The following SYN3 variants were observed in gnomAD, a reference collection of about 807,000 sequenced individuals.
SYN3 encodes synapsin-3.
Under a neutral mutation model 65.8 loss-of-function variants are expected in SYN3, and 35 were observed. The observed-to-expected ratio is 0.53, with a 90% CI of 0.41 to 0.70. The LOEUF (loss-of-function observed/expected upper bound fraction) is 0.70, where lower values mean the gene tolerates loss of function less well. Among genes scored for constraint, SYN3 ranks in the 30% least tolerant of loss-of-function variants. The pLI is 0.00. For synonymous variants in SYN3, 270 were observed against 292.9 expected (o/e 0.92, Z 0.80); for missense variants, 680 against 749.0 (o/e 0.91, Z 1.08).
Position 32,518,088 on chromosome 22 carries a change from T to C in SYN3, c.1565A>G (p.Gln522Arg), listed in dbSNP as rs1259196961. 6.4e-7 allele frequency: 1 copy of C among 1,550,610 alleles called. No homozygotes were observed. Among genetic ancestry groups the C allele is most frequent in the African/African-American group, 1.4e-5 (1 of 72,670 alleles). Residue 522 changes from glutamine to arginine, a missense_variant, in exon 13 of 14, where the codon CAG becomes CGG. By Grantham distance (43) the Gln-to-Arg change is conservative. Transcript: ENST00000358763. ...TGCTGGCTTCTTGGACTCTTCACCCTGCTGGGAGGTACTACGGCCCTGCAC... is the reference window on the plus strand; with the variant it reads ...TGCTGGCTTCTTGGACTCTTCACCCCGCTGGGAGGTACTACGGCCCTGCAC... Reference protein sequence around the residue: ...PPVQGRSTSQQGEESKKPAPP... With the variant: ...PPVQGRSTSQRGEESKKPAPP...
intron 6 of SYN3, among the ~76,000 whole-genome samples, chr22:32,793,641 G>A (rs969006113): frequency 6.6e-6 from 1 of 152,182 alleles, no homozygotes; most frequent in East Asian, 1.9e-4. Context: ...GAAGGAAGGA[G>A]GGAAGGAAGG....
rs758740145 is a variant in SYN3, at chr22:32,931,392, C to A, written c.459G>T (p.Val153=). Residue 153 remains valine, a splice_region_variant and synonymous_variant, in exon 4 of 14, where the codon GTG becomes GTT. Transcript: ENST00000358763. ...MQVVRNGTKV[V]SRSFKPDFIL... is the part of the protein sequence containing the mutation. ...CTGCATATTTTAATCCTACTTACCT[C>A]ACCACTTTGGTCCCATTTCTCACGA... 1.9e-6 allele frequency: 3 copies of A among 1,609,456 alleles called. No individual in the cohort carries two copies. Among genetic ancestry groups the A allele is most frequent in the Non-Finnish European group, 2.6e-6 (3 of 1,175,856 alleles).
rs889537207 is a variant in SYN3 at position 32,819,399 on chromosome 22, T to C, written c.711+45516A>G. Among the ~76,000 whole-genome samples the C allele has an allele frequency of 4.6e-5, 7 of 152,238 alleles. No individual in the cohort carries two copies. The East Asian group carries it at 9.6e-4, about 21-fold the overall frequency. On this transcript the variant is annotated intron_variant, in intron 6 of 13. Coordinates refer to ENST00000358763, the MANE Select transcript of SYN3 (RefSeq NM_003490.4). ...CCGGCCCCATATTGGAGGCCAAACA[T>C]GTAGAAGGGTGTATCTCATTTTTTA...
At chr22:32,706,945 C>G (rs1187231155) in intron 6 of SYN3, among the ~76,000 whole-genome samples, 2 of 152,152 alleles carry the variant, frequency 1.3e-5, no homozygotes, top group Admixed American at 1.3e-4. Context: ...TGCCTGCCCA[C>G]CTCCCCTCCC....
At chr22:32,588,811 G>C (rs2858746) in intron 7 of SYN3, among the ~76,000 whole-genome samples, 3,326 of 152,240 alleles carry the variant, frequency 0.022, 125 homozygotes, top group African/African-American at 0.076. Context: ...TTCTACGATG[G>C]AAACGCTGAG....
intron 6 of SYN3, among the ~76,000 whole-genome samples, chr22:32,710,001 A>T (rs5754228): frequency 1.3e-5 from 2 of 150,820 alleles, no homozygotes; most frequent in African/African-American, 4.9e-5. Context: ...AATCTTCATA[A>T]CCTGGACTGA....
chr22:32,761,372 C>T lies in SYN3; in HGVS notation c.711+103543G>A, dbSNP rs767712392. 3.3e-5 allele frequency among the ~76,000 whole-genome samples: 5 copies of T among 152,250 alleles called. 1 individual carries two copies. The highest frequency in any genetic ancestry group is 1.9e-4 in the East Asian group (1 of 5,174). On this transcript the variant is annotated intron_variant, in intron 6 of 13. Transcript: ENST00000358763. ...CAAGGGGTGGCCGATAGAAGCCATGCGCGTGAGTCACGAGAAGGGGTGTGA... is the reference window on the plus strand; with the variant it reads ...CAAGGGGTGGCCGATAGAAGCCATGTGCGTGAGTCACGAGAAGGGGTGTGA...
chr22:32,585,963 TAC>T (rs2059023258), intron 7 of SYN3, among the ~76,000 whole-genome samples: 2 of 79,012 alleles, frequency 2.5e-5, no homozygotes, highest in East Asian at 5.7e-4. Context: ...TATGTGTATA[TAC>T]GTATATATGT....
At chr22:32,546,809 C>A (rs750281474) in intron 7 of SYN3, among the ~76,000 whole-genome samples, 1 of 152,094 alleles carries the variant, frequency 6.6e-6, no homozygotes, top group Non-Finnish European at 1.5e-5. Flanking sequence ...TGTGAACTCT[C>A]CAAAACAGAC....
At chr22:32,762,003 T>C (rs1249233737) in intron 6 of SYN3, among the ~76,000 whole-genome samples, 1 of 152,226 alleles carries the variant, frequency 6.6e-6, no homozygotes, top group African/African-American at 2.4e-5. Flanking sequence ...GAGTGCCACC[T>C]GTCCTTAGCG....
intron 6 of SYN3, among the ~76,000 whole-genome samples, chr22:32,668,504 A>C (rs2060321067): frequency 7.0e-6 from 1 of 142,402 alleles, no homozygotes; most frequent in African/African-American, 2.6e-5. Flanking sequence ...TCCTCCCTTC[A>C]CTCCTTTCCT....
intron 2 of SYN3, among the ~76,000 whole-genome samples, chr22:33,004,208 T>A (rs2053140467): frequency 6.6e-6 from 1 of 152,046 alleles, no homozygotes; most frequent in Non-Finnish European, 1.5e-5. Context: ...CCACACAGAG[T>A]CCCCACTGTG....
At chr22:32,996,672 T>A (rs1490733767) in intron 2 of SYN3, among the ~76,000 whole-genome samples, 30 of 152,240 alleles carry the variant, frequency 2.0e-4, no homozygotes, top group Admixed American at 2.0e-3. Flanking sequence ...ATAGAAAAGA[T>A]CTTGCCTGAG....
chr22:32,745,129 G>A (rs2044888457), intron 6 of SYN3, among the ~76,000 whole-genome samples: 1 of 152,164 alleles, frequency 6.6e-6, no homozygotes, highest in South Asian at 2.1e-4. Context: ...GAACCAGGAG[G>A]AGCCAGGATT....
intron 6 of SYN3, among the ~76,000 whole-genome samples, chr22:32,739,553 A>G (rs899538648): frequency 6.6e-6 from 1 of 152,102 alleles, no homozygotes; most frequent in Non-Finnish European, 1.5e-5. Flanking sequence ...GGTTGTATCC[A>G]TTACTGATAT....
chr22:32,556,803 G>GTTTTTTTTTTTT lies in SYN3; in HGVS notation c.775-15091_775-15090insAAAAAAAAAAAA, dbSNP rs1491135400. The stretch of plus-strand genomic sequence containing the variant: ...CAATGACCCAATCTATAGGTTTCCT[G>GTTTTTTTTTTTT]GTTTTTTTTTTTTTTTTTTTTTTTT... On this transcript the variant is annotated intron_variant, in intron 7 of 13. Coordinates refer to ENST00000358763, the MANE Select transcript of SYN3 (RefSeq NM_003490.4). Among the ~76,000 whole-genome samples, 198 of 35,242 alleles carry GTTTTTTTTTTTT rather than the reference G, an allele frequency of 5.6e-3. 69 individuals are homozygous for GTTTTTTTTTTTT. Among genetic ancestry groups the GTTTTTTTTTTTT allele is most frequent in the Non-Finnish European group, 7.2e-3 (128 of 17,868 alleles). The allele number at this position is 35,242 out of a possible 152,430, so 23.1% of individuals were successfully genotyped here.
chr22:32,981,571 C>T (rs5754366), intron 2 of SYN3, among the ~76,000 whole-genome samples: 6 of 151,144 alleles, frequency 4.0e-5, no homozygotes, highest in African/African-American at 9.8e-5. Context: ...GCAACAAGAG[C>T]GAAACTCAGT....
At chr22:33,001,100 G>A (rs114951580) in intron 2 of SYN3, among the ~76,000 whole-genome samples, 2 of 152,276 alleles carry the variant, frequency 1.3e-5, no homozygotes, top group African/African-American at 4.8e-5. Context: ...TAATTGCAGG[G>A]CCAACTGCCA....
In SYN3 at chr22:32,919,198, C is replaced by T. The variant is rs143511684; in HGVS notation, c.461+12192G>A. On this transcript the variant is annotated intron_variant, in intron 4 of 13. Coordinates refer to ENST00000358763, the MANE Select transcript of SYN3 (RefSeq NM_003490.4). ...TGAGAGAGAGGGAAGCTCCACCCTCCATACACACGGGGCTCGCTCTGCTCA... is the reference window on the plus strand; with the variant it reads ...TGAGAGAGAGGGAAGCTCCACCCTCTATACACACGGGGCTCGCTCTGCTCA... Among the ~76,000 whole-genome samples, 3 of 152,316 alleles carry T rather than the reference C, an allele frequency of 2.0e-5. No homozygotes were observed. In the East Asian group the frequency reaches 5.8e-4, roughly 29 times the overall value.
Sources: gnomAD v4.1 joint callset for allele counts (sites outside exome capture counted in the v4.1 genomes callset) on GRCh38, gnomAD v4.1.1 for gene constraint, MANE v1.5 for transcripts, NCBI Gene and HGNC (gene_info 2026-07-23, HGNC 2026-07-21) for gene names.